The following NCOA1 variants were observed in gnomAD, a reference collection of about 807,000 sequenced individuals.
NCOA1 encodes nuclear receptor coactivator 1.
Under a neutral mutation model 150.9 loss-of-function variants are expected in NCOA1, and 35 were observed. The observed-to-expected ratio is 0.23, with a 90% CI of 0.18 to 0.31. The LOEUF (loss-of-function observed/expected upper bound fraction) is 0.31. Ranked by LOEUF, NCOA1 falls within the 10% of genes least tolerant of loss-of-function variation. The pLI is 1.00. For missense variants in NCOA1, 1,491 were observed against 1,749.3 expected (o/e 0.85, Z 2.63); for synonymous variants, 590 against 630.0 (o/e 0.94, Z 0.95).
intron 2 of NCOA1, among the ~76,000 whole-genome samples, chr2:24,565,825 C>T (rs997343420): frequency 5.3e-5 from 8 of 152,090 alleles, no homozygotes; most frequent in Non-Finnish European, 1.0e-4. Flanking sequence ...TCAGCACGGG[C>T]GCTCACTCCC....
Position 24,739,551 on chromosome 2 carries a change from G to A in NCOA1, c.3303+18G>A. The A allele has an allele frequency of 1.3e-6, 2 of 1,558,798 alleles. No homozygotes were observed. ...CACCTCAGGTAATGTGAGAAAACCA[G>A]ACGTCATTAGTACTTCTTTAACCCA... On this transcript the variant is annotated intron_variant, in intron 18 of 22. Coordinates refer to ENST00000348332, the MANE Select transcript of NCOA1 (RefSeq NM_003743.5).
intron 5 of NCOA1, chr2:24,658,999 G>T: frequency 2.1e-6 from 1 of 479,276 alleles, no homozygotes; most frequent in Admixed American, 3.3e-5. Context: ...TGCCAGCTTA[G>T]TCATTACATA....
chr2:24,678,181 T>G (rs140329815), intron 7 of NCOA1, among the ~76,000 whole-genome samples: 9 of 152,332 alleles, frequency 5.9e-5, no homozygotes, highest in Admixed American at 1.3e-4. Context: ...AATAACAGCT[T>G]CCAACTCCAT....
At chr2:24,594,635 C>G (rs1466978636) in intron 3 of NCOA1, among the ~76,000 whole-genome samples, 1 of 152,080 alleles carries the variant, frequency 6.6e-6, no homozygotes, top group East Asian at 1.9e-4. Context: ...ATCGGTATTA[C>G]TTGCCTACTT....
In NCOA1 at chr2:24,708,801, T is replaced by C. The variant is rs1673590001; in HGVS notation, c.2418+913T>C. Among the ~76,000 whole-genome samples the C allele has an allele frequency of 2.0e-5, 3 of 152,340 alleles. No individual in the cohort carries two copies. In the South Asian group the frequency reaches 6.2e-4, roughly 32 times the overall value. On this transcript the variant is annotated intron_variant, in intron 13 of 22. Coordinates refer to ENST00000348332, the MANE Select transcript of NCOA1 (RefSeq NM_003743.5). Reference sequence around the variant, plus strand: ...TCTCATTTCACAAGAATCACTCTCTTCCCTCAGAAATACTGCATTCTAGGC... The same window carrying C: ...TCTCATTTCACAAGAATCACTCTCTCCCCTCAGAAATACTGCATTCTAGGC...
rs553015019 is a variant in NCOA1, at chr2:24,749,040, G to C, written c.3707-2942G>C. On this transcript the variant is annotated intron_variant, in intron 19 of 22. Coordinates refer to ENST00000348332, the MANE Select transcript of NCOA1 (RefSeq NM_003743.5). ...TGTATTTTGTCAGGAAAAAAAGAAA[G>C]AAAGAACACAGTGCTAGCATTAAAC... 2.0e-5 allele frequency among the ~76,000 whole-genome samples: 3 copies of C among 152,300 alleles called. No individual in the cohort carries two copies. In the South Asian group the frequency reaches 6.2e-4, roughly 32 times the overall value.
intron 8 of NCOA1, among the ~76,000 whole-genome samples, chr2:24,685,226 T>C (rs1672347907): frequency 6.6e-6 from 1 of 152,126 alleles, no homozygotes; most frequent in Non-Finnish European, 1.5e-5. Context: ...ACTTTTAAAA[T>C]TGCTTTTGAA....
chr2:24,760,408 C>T (rs1183216764), intron 21 of NCOA1, among the ~76,000 whole-genome samples: 4 of 150,776 alleles, frequency 2.7e-5, no homozygotes, highest in South Asian at 4.2e-4. Flanking sequence ...CTGCCCGCCT[C>T]GGCCTCCCAA....
At chr2:24,674,651 C>T (rs1671826797) in intron 7 of NCOA1, among the ~76,000 whole-genome samples, 1 of 152,104 alleles carries the variant, frequency 6.6e-6, no homozygotes, top group Non-Finnish European at 1.5e-5. Context: ...GTGTGTTAGA[C>T]ACTGGATATC....
intron 1 of NCOA1, among the ~76,000 whole-genome samples, chr2:24,504,757 T>C (rs577077221): frequency 1.3e-5 from 2 of 152,278 alleles, no homozygotes; most frequent in East Asian, 3.9e-4. Flanking sequence ...AATATTTGGC[T>C]TCAGTATACC....
In NCOA1 at chr2:24,705,178, T is replaced by C. The variant is rs1445961611; in HGVS notation, c.1042T>C (p.Tyr348His). Residue 348 changes from tyrosine (Y) to histidine (H), a missense_variant, in exon 12 of 23, where the codon TAC becomes CAC. Transcript: ENST00000348332. The part of the protein sequence containing the change: ...LSAHTKCKLC[Y>H]PQSPDMQPFI... Reference sequence around the variant, plus strand: ...CGCCCACACCAAGTGTAAACTTTGCTACCCTCAAAGTCCAGACATGCAACC... The same window carrying C: ...CGCCCACACCAAGTGTAAACTTTGCCACCCTCAAAGTCCAGACATGCAACC... The C allele has an allele frequency of 6.2e-7, 1 of 1,613,834 alleles. No homozygotes were observed. Among genetic ancestry groups the C allele is most frequent in the African/African-American group, 1.3e-5 (1 of 74,942 alleles).
At chr2:24,692,770 T>G (rs915413856) in intron 9 of NCOA1, among the ~76,000 whole-genome samples, 2 of 152,210 alleles carry the variant, frequency 1.3e-5, no homozygotes, top group Non-Finnish European at 2.9e-5. Context: ...GAGCTGTCAG[T>G]TTTTGGTTGC....
At chr2:24,537,062 A>T (rs187417428) in intron 1 of NCOA1, among the ~76,000 whole-genome samples, 1 of 152,116 alleles carries the variant, frequency 6.6e-6, no homozygotes, top group Non-Finnish European at 1.5e-5. Flanking sequence ...GAAATCTCAG[A>T]CTTCACTACT....
intron 5 of NCOA1, among the ~76,000 whole-genome samples, chr2:24,661,705 T>A (rs937868020): frequency 1.3e-5 from 2 of 152,224 alleles, no homozygotes; most frequent in African/African-American, 4.8e-5. Flanking sequence ...TACCCTTGAC[T>A]GTTTTTATTC....
chr2:24,680,579 G>A (rs528023644), intron 7 of NCOA1, among the ~76,000 whole-genome samples: 1 of 152,288 alleles, frequency 6.6e-6, no homozygotes, highest in African/African-American at 2.4e-5. Flanking sequence ...GAAGGGTTGG[G>A]GGGATTGGAG....
At chr2:24,739,793 CTCT>C (rs1176934779) in intron 18 of NCOA1, among the ~76,000 whole-genome samples, 1 of 146,920 alleles carries the variant, frequency 6.8e-6, no homozygotes, top group Non-Finnish European at 1.5e-5. Context: ...GTAGAAAAAA[CTCT>C]TATTTCTGTA....
At chr2:24,597,552 A>G (rs913557997) in intron 3 of NCOA1, among the ~76,000 whole-genome samples, 42 of 152,088 alleles carry the variant, frequency 2.8e-4, no homozygotes, top group African/African-American at 8.9e-4. Context: ...CAGTAATTGT[A>G]GGTGCTGGAG....
chr2:24,627,267 T>C (rs899190641), intron 3 of NCOA1, among the ~76,000 whole-genome samples: 1 of 151,968 alleles, frequency 6.6e-6, no homozygotes, highest in Admixed American at 6.6e-5. Flanking sequence ...ATAATTAAAC[T>C]TTGCATCCCC....
chr2:24,572,286 C>T (rs897800114), intron 2 of NCOA1, among the ~76,000 whole-genome samples: 1 of 152,064 alleles, frequency 6.6e-6, no homozygotes, highest in African/African-American at 2.4e-5. Context: ...TCTCTGTGTT[C>T]TCTGCAAGGA....
Sources: gnomAD v4.1 joint callset for allele counts (sites outside exome capture counted in the v4.1 genomes callset) on GRCh38, gnomAD v4.1.1 for gene constraint, MANE v1.5 for transcripts, NCBI Gene and HGNC (gene_info 2026-07-23, HGNC 2026-07-21) for gene names.